Variants in DLGAP2 observed in about 807,000 individuals in gnomAD.
DLGAP2 encodes the protein DLG associated protein 2.
In DLGAP2, 26 loss-of-function variants were observed where a neutral mutation model predicts 100.3. The ratio of observed to expected loss-of-function variants is 0.26; its 90% CI spans 0.19 to 0.36. The LOEUF (loss-of-function observed/expected upper bound fraction) is 0.36, where lower values mean the gene tolerates loss of function less well. Among genes scored for constraint, DLGAP2 ranks in the 10% least tolerant of loss-of-function variants. The pLI, the probability that DLGAP2 is intolerant of heterozygous loss-of-function variation, is 1.00. For synonymous variants in DLGAP2, 886 were observed against 630.1 expected, an observed-to-expected ratio of 1.41 and a Z score of -6.08; for missense variants, 1,858 against 1,453.2, an observed-to-expected ratio of 1.28 and a Z score of -4.53.
intron 2 of DLGAP2, among the ~76,000 whole-genome samples, chr8:1,240,726 A>G (rs1798770231): frequency 7.3e-6 from 1 of 136,830 alleles, no homozygotes; most frequent in African/African-American, 3.0e-5. Flanking sequence ...TAGTTCTCTC[A>G]CATGGCGCCG....
At chr8:1,200,596 G>A (rs1350387409) in intron 2 of DLGAP2, among the ~76,000 whole-genome samples, 3 of 152,164 alleles carry the variant, frequency 2.0e-5, no homozygotes, top group African/African-American at 4.8e-5. Flanking sequence ...CCACTGCCAC[G>A]TCCATTAGCG....
chr8:1,245,897 G>C (rs1174900499), intron 2 of DLGAP2, among the ~76,000 whole-genome samples: 1 of 152,206 alleles, frequency 6.6e-6, no homozygotes, highest in East Asian at 1.9e-4. Flanking sequence ...AAGGGTGGGT[G>C]GTCCCAGTAT....
At chr8:1,661,765 G>C (rs952187580) in intron 8 of DLGAP2, among the ~76,000 whole-genome samples, 11 of 152,198 alleles carry the variant, frequency 7.2e-5, no homozygotes, top group Non-Finnish European at 1.2e-4. Flanking sequence ...AGATAAGACA[G>C]ATGTAACTTT....
At chr8:1,408,585 G>A (rs781554502) in intron 3 of DLGAP2, among the ~76,000 whole-genome samples, 11 of 152,126 alleles carry the variant, frequency 7.2e-5, no homozygotes, top group South Asian at 2.1e-4. Context: ...TTAACTGTTC[G>A]GCAACTGGAG....
chr8:1,106,695 A>G (rs1483299446), intron 2 of DLGAP2, among the ~76,000 whole-genome samples: 8 of 127,894 alleles, frequency 6.3e-5, no homozygotes, highest in Non-Finnish European at 8.3e-5. Context: ...CTACTGAAGG[A>G]GGCCATTCTA....
At chr8:1,200,201 G>A (rs571361486) in intron 2 of DLGAP2, among the ~76,000 whole-genome samples, 83 of 152,294 alleles carry the variant, frequency 5.4e-4, no homozygotes, top group African/African-American at 2.0e-3. Context: ...GTGCAGCACC[G>A]GGTGTCACCT....
At chr8:1,631,739 C>G (rs1483957382) in intron 7 of DLGAP2, among the ~76,000 whole-genome samples, 1 of 152,214 alleles carries the variant, frequency 6.6e-6, no homozygotes, top group African/African-American at 2.4e-5. Context: ...AGGGTCCATG[C>G]TGAGTTAGGC....
chr8:1,197,228 C>T (rs1023586304), intron 2 of DLGAP2, among the ~76,000 whole-genome samples: 1 of 152,170 alleles, frequency 6.6e-6, no homozygotes, highest in African/African-American at 2.4e-5. Flanking sequence ...CTTCAGGTCT[C>T]TTCTGGAAAT....
intron 12 of DLGAP2, among the ~76,000 whole-genome samples, chr8:1,683,888 G>GTGTATACACATATATGTGTATATATA (rs1162274398): frequency 7.5e-4 from 82 of 108,648 alleles, no homozygotes; most frequent in African/African-American, 3.3e-3. Context: ...GTGTGTGTGT[G>GTGTATACACATATATGTGTATATATA]TGTGTGTGTA....
Position 1,501,287 on chromosome 8 carries a change from G to T in DLGAP2, c.107-79G>T, listed in dbSNP as rs1180975923. The T allele has an allele frequency of 2.1e-6, 3 of 1,409,592 alleles. No individual in the cohort carries two copies. In the Admixed American group the frequency reaches 5.9e-5, roughly 28 times the overall value. The allele number at this position is 1,409,592 out of a possible 1,614,324, so 87.3% of individuals were successfully genotyped here. On this transcript the variant is annotated intron_variant, in intron 3 of 14. Coordinates refer to ENST00000637795, the MANE Select transcript of DLGAP2 (RefSeq NM_001346810.2). ...CATGTTTGAACTGTTGAGTGTGGAG[G>T]GTTTTGAAGATGTGCAGGGAATGAC...
chr8:1,201,988 A>G (rs1339012786), intron 2 of DLGAP2, among the ~76,000 whole-genome samples: 3 of 140,800 alleles, frequency 2.1e-5, no homozygotes, highest in Non-Finnish European at 3.1e-5. Flanking sequence ...GTATCTGTGT[A>G]TATGTGGTGT....
intron 8 of DLGAP2, among the ~76,000 whole-genome samples, chr8:1,658,763 C>T (rs11786502): frequency 0.21 from 32,089 of 151,924 alleles, 4,164 homozygotes; most frequent in East Asian, 0.47. Flanking sequence ...GCTACCGGTC[C>T]ATGTATTTTG....
chr8:967,838 A>G (rs1203077399), intron 2 of DLGAP2, among the ~76,000 whole-genome samples: 1 of 31,052 alleles, frequency 3.2e-5, no homozygotes, highest in African/African-American at 1.3e-4. Flanking sequence ...ATATATATAT[A>G]TATATATATA....
intron 1 of DLGAP2, among the ~76,000 whole-genome samples, chr8:837,395 C>T (rs1796899287): frequency 6.6e-6 from 1 of 152,322 alleles, no homozygotes; most frequent in South Asian, 2.1e-4. Context: ...ATTTATTAAA[C>T]ACCAGTTTTG....
At position 1,675,828 on chromosome 8, in the gene DLGAP2, G is replaced by GTTT. The variant is rs75974060; in HGVS notation, c.2203-694_2203-692dup. On this transcript the variant is annotated intron_variant, in intron 10 of 14. Coordinates refer to ENST00000637795, the MANE Select transcript of DLGAP2 (RefSeq NM_001346810.2). The stretch of plus-strand genomic sequence containing the variant: ...CAGTTTTCCTACTTGGTTTGGTTTT[G>GTTT]TTTTTTTTTTTTTAGAGAACGTACT... Among the ~76,000 whole-genome samples the GTTT allele has an allele frequency of 1.4e-4, 19 of 140,526 alleles. No individual in the cohort carries two copies. In the Admixed American group the frequency reaches 1.4e-3, roughly 10 times the overall value. 92.2% of individuals were successfully genotyped at this position (140,526 alleles called of 152,430 possible).
At chr8:1,441,888 T>C (rs546312503) in intron 3 of DLGAP2, among the ~76,000 whole-genome samples, 9 of 152,006 alleles carry the variant, frequency 5.9e-5, no homozygotes, top group African/African-American at 2.2e-4. Context: ...TTGCTGCACC[T>C]ATCAATGTGG....
chr8:975,324 A>G (rs1800135032), intron 2 of DLGAP2, among the ~76,000 whole-genome samples: 1 of 152,218 alleles, frequency 6.6e-6, no homozygotes, highest in Non-Finnish European at 1.5e-5. Flanking sequence ...TAAGGAAGAT[A>G]ATTATTTCAG....
rs901261056 is a variant in DLGAP2, at chr8:1,554,056, C to T, written c.1230+4373C>T. ...TCATCCTAGCACTTTGGGAGGCCAA[C>T]GCAGGTGGATCACCTGAGGTCAGGA... On this transcript the variant is annotated intron_variant, in intron 5 of 14. Transcript: ENST00000637795. Among the ~76,000 whole-genome samples the T allele has an allele frequency of 1.5e-4, 23 of 152,122 alleles. 1 individual carries two copies. The highest frequency in any genetic ancestry group is 2.8e-4 in the Non-Finnish European group (19 of 68,020).
At chr8:1,077,738 A>G (rs2129038758) in intron 2 of DLGAP2, among the ~76,000 whole-genome samples, 1 of 152,320 alleles carries the variant, frequency 6.6e-6, no homozygotes, top group African/African-American at 2.4e-5. Context: ...CTGTAGAGAG[A>G]TTAGCCCACG....
Sources: allele counts gnomAD v4.1 joint callset (sites outside exome capture counted in the v4.1 genomes callset), GRCh38; gene constraint gnomAD v4.1.1; transcripts MANE v1.5; gene names NCBI Gene and HGNC (gene_info 2026-07-23, HGNC 2026-07-21).